The following RPS6KA3 variants were observed in gnomAD, a reference collection of about 807,000 sequenced individuals.
RPS6KA3 encodes the protein ribosomal protein S6 kinase alpha-3.
A neutral mutation model predicts 67.2 loss-of-function variants in RPS6KA3; 4 were observed. The observed-to-expected ratio is 0.06, with a 90% CI of 0.03 to 0.14. The LOEUF (loss-of-function observed/expected upper bound fraction) is 0.14. Ranked by LOEUF, RPS6KA3 falls within the 10% of genes least tolerant of loss-of-function variation. The pLI, the probability that RPS6KA3 is intolerant of heterozygous loss-of-function variation, is 1.00. For missense variants in RPS6KA3, 204 were observed against 559.0 expected, an observed-to-expected ratio of 0.36 and a Z score of 6.40; for synonymous variants, 182 against 183.7, an observed-to-expected ratio of 0.99 and a Z score of 0.07.
At chrX:20,191,499 C>T (rs1015036300) in intron 7 of RPS6KA3, among the ~76,000 whole-genome samples, 10 of 111,607 alleles carry the variant, frequency 9.0e-5, no homozygotes, top group African/African-American at 2.9e-4. Context: ...AGTGTAAAAG[C>T]GGTACTATTT....
intron 2 of RPS6KA3, among the ~76,000 whole-genome samples, chrX:20,226,336 G>A (rs112781563): frequency 0.029 from 3,208 of 111,374 alleles, 42 homozygotes; most frequent in Non-Finnish European, 0.045. Flanking sequence ...GAAACCAAGG[G>A]GATATGTTCA....
chrX:20,264,061 G>A (rs1204364279), intron 1 of RPS6KA3, among the ~76,000 whole-genome samples: 1 of 112,148 alleles, frequency 8.9e-6, no homozygotes, highest in Non-Finnish European at 1.9e-5. Context: ...ACCTCTGAGT[G>A]GAACTTTTCA....
chrX:20,225,699 T>C (rs2069103058), intron 2 of RPS6KA3, among the ~76,000 whole-genome samples: 1 of 111,815 alleles, frequency 8.9e-6, no homozygotes, highest in Admixed American at 9.5e-5. Flanking sequence ...GTTTGAACCA[T>C]GATGGCTGTA....
rs112563533 is a variant in RPS6KA3, at chrX:20,193,400, T to C, written c.593+87A>G. The C allele has an allele frequency of 8.8e-4, 483 of 546,994 alleles. 9 individuals are homozygous for C. In the African/African-American group the frequency reaches 8.9e-3, roughly 10 times the overall value. 45.1% of individuals were successfully genotyped at this position (546,994 alleles called of 1,213,427 possible). ...GCACAGGCACGCTAGTGCAATACTG[T>C]GGGAGTTTCATGAAGCCACTTGATT... On this transcript the variant is annotated intron_variant, in intron 7 of 21. Coordinates refer to ENST00000379565, the MANE Select transcript of RPS6KA3 (RefSeq NM_004586.3).
At chrX:20,158,848 A>C (rs1275951071) in intron 20 of RPS6KA3, among the ~76,000 whole-genome samples, 1 of 111,498 alleles carries the variant, frequency 9.0e-6, no homozygotes, top group Non-Finnish European at 1.9e-5. Flanking sequence ...CTGCTCAGAT[A>C]ATCTCATTCA....
At chrX:20,214,609 G>A (rs1397368685) in intron 2 of RPS6KA3, among the ~76,000 whole-genome samples, 1 of 110,884 alleles carries the variant, frequency 9.0e-6, no homozygotes, top group Non-Finnish European at 1.9e-5. Context: ...AGATAAATAG[G>A]GTCTTCTTTC....
At chrX:20,232,133 A>T (rs1346529481) in intron 2 of RPS6KA3, among the ~76,000 whole-genome samples, 1 of 112,403 alleles carries the variant, frequency 8.9e-6, no homozygotes, top group Admixed American at 9.4e-5. Flanking sequence ...TTCCAAGTGG[A>T]TCACAGATCT....
chrX:20,243,760 T>C (rs1453835695), intron 1 of RPS6KA3, among the ~76,000 whole-genome samples: 2 of 110,772 alleles, frequency 1.8e-5, no homozygotes, highest in Non-Finnish European at 3.8e-5. Context: ...TCCCAAAGCG[T>C]TGGGATTACA....
chrX:20,175,959 C>T (rs2148663474), intron 13 of RPS6KA3, among the ~76,000 whole-genome samples: 1 of 111,514 alleles, frequency 9.0e-6, no homozygotes, highest in Non-Finnish European at 1.9e-5. Context: ...CAACCTCCAC[C>T]TCCCAGGTTC....
intron 2 of RPS6KA3, among the ~76,000 whole-genome samples, chrX:20,216,671 G>C (rs910208469): frequency 2.7e-5 from 3 of 110,454 alleles, no homozygotes; most frequent in African/African-American, 9.9e-5. Flanking sequence ...AGGTGAGAAA[G>C]TCAAGCACCT....
At chrX:20,198,433 C>A (rs755517350) in intron 4 of RPS6KA3, among the ~76,000 whole-genome samples, 1 of 111,837 alleles carries the variant, frequency 8.9e-6, no homozygotes, top group South Asian at 3.7e-4. Context: ...TGAAAAACAT[C>A]AAAATAAACA....
intron 4 of RPS6KA3, among the ~76,000 whole-genome samples, chrX:20,201,514 T>C (rs1201018892): frequency 8.9e-6 from 1 of 111,793 alleles, no homozygotes; most frequent in Non-Finnish European, 1.9e-5. Flanking sequence ...TATCTCCTTG[T>C]GTAAACTTTA....
chrX:20,180,177 T>TATTA (rs2067807968), intron 10 of RPS6KA3, among the ~76,000 whole-genome samples: 1 of 110,469 alleles, frequency 9.1e-6, no homozygotes, highest in African/African-American at 3.3e-5. Context: ...AAGTAATGAT[T>TATTA]ATTAATGGAT....
chrX:20,189,133 T>C (rs1603425569), intron 7 of RPS6KA3, among the ~76,000 whole-genome samples: 1 of 111,379 alleles, frequency 9.0e-6, no homozygotes, highest in East Asian at 2.8e-4. Flanking sequence ...CTTATTTTTT[T>C]TTTCCTGACA....
chrX:20,180,240 G>T (rs927929478), intron 10 of RPS6KA3, among the ~76,000 whole-genome samples: 1 of 110,820 alleles, frequency 9.0e-6, no homozygotes, highest in Admixed American at 9.7e-5. Context: ...GGAATCAGCT[G>T]CAACCACTGG....
chrX:20,241,705 A>G (rs190803856), intron 1 of RPS6KA3: 1 of 110,978 alleles, frequency 9.0e-6, no homozygotes, highest in African/African-American at 3.3e-5. Context: ...ATACAAGCAG[A>G]AAAAAATAGG....
Position 20,157,464 on chromosome X carries a change from T to C in RPS6KA3, c.1960-1215A>G, listed in dbSNP as rs183579675. Among the ~76,000 whole-genome samples the C allele has an allele frequency of 4.7e-3, 469 of 99,629 alleles. 2 individuals are homozygous for C. Among genetic ancestry groups the C allele is most frequent in the Middle Eastern group, 0.01 (2 of 196 alleles). 86.5% of individuals were successfully genotyped at this position (99,629 alleles called of 115,157 possible). A position where few individuals can be genotyped will look rare whatever the true frequency, so the allele number is the denominator to read the frequency against. ...CTGCAGTGAGCCGTGATTGAACCAC[T>C]GTACTCTAGTCTGGGCAACAGAGCG... On this transcript the variant is annotated intron_variant, in intron 20 of 21. Coordinates refer to ENST00000379565, the MANE Select transcript of RPS6KA3 (RefSeq NM_004586.3).
In RPS6KA3 at chrX:20,266,864, G is replaced by A; in HGVS notation, c.-232C>T. 2.2e-6 allele frequency: 1 copy of A among 459,305 alleles called. No individual in the cohort carries two copies. The highest frequency in any genetic ancestry group is 2.7e-6 in the Non-Finnish European group (1 of 369,221). The allele number at this position is 459,305 out of a possible 1,213,427, so 37.9% of individuals were successfully genotyped here. ...CTGGCCAGAGACGCCCGCGCGCTGA[G>A]CGAGAGCCTCGCGCCTCCGCTGGGC... On this transcript the variant is annotated 5_prime_UTR_variant, in exon 1 of 22. Transcript: ENST00000379565.
chrX:20,172,964 C>T lies in RPS6KA3; in HGVS notation c.1228-93G>A. 6 of 717,355 alleles carry T rather than the reference C, an allele frequency of 8.4e-6. No homozygotes were observed. In the South Asian group the frequency reaches 1.2e-4, roughly 14 times the overall value. 59.1% of individuals were successfully genotyped at this position (717,355 alleles called of 1,213,427 possible). A position where few individuals can be genotyped will look rare whatever the true frequency, so the allele number is the denominator to read the frequency against. On this transcript the variant is annotated intron_variant, in intron 14 of 21. Transcript: ENST00000379565. ...TGTTACTCAGCATGCATTGTTGATG[C>T]CCTACATATAAATGAATAAGAATAA...
Sources: gnomAD v4.1 joint callset for allele counts (sites outside exome capture counted in the v4.1 genomes callset) on GRCh38, gnomAD v4.1.1 for gene constraint, MANE v1.5 for transcripts, NCBI Gene and HGNC (gene_info 2026-07-23, HGNC 2026-07-21) for gene names.